Variants in DNAJC13 observed in about 807,000 individuals in gnomAD.
DNAJC13 encodes DnaJ heat shock protein family (Hsp40) member C13, also known as dnaJ homolog subfamily C member 13.
In DNAJC13, 75 loss-of-function variants were observed where a neutral mutation model predicts 290.5. The observed-to-expected ratio is 0.26, with a 90% CI of 0.21 to 0.31. The LOEUF (loss-of-function observed/expected upper bound fraction) is 0.31, where lower values mean the gene tolerates loss of function less well. Ranked by LOEUF, DNAJC13 falls within the 10% of genes least tolerant of loss-of-function variation. The probability of loss-of-function intolerance (pLI) is 1.00; values close to 1 mark genes in which losing one functional copy is unlikely to be tolerated. For synonymous variants in DNAJC13, 862 were observed against 892.0 expected (o/e 0.97, Z 0.60); for missense variants, 2,260 against 2,674.5 (o/e 0.85, Z 3.42).
chr3:132,450,857 AT>A lies in DNAJC13; in HGVS notation c.537+14del, dbSNP rs200307667. On this transcript the variant is annotated intron_variant, in intron 6 of 55. Transcript: ENST00000260818. ...AGGATTTAGTAGATTGGTAAGTACT[AT>A]TTTAAAAAAAAAAAACACTTTAAAA... 274 of 1,411,038 alleles carry A rather than the reference AT, an allele frequency of 1.9e-4. No individual in the cohort carries two copies. Among genetic ancestry groups the A allele is most frequent in the African/African-American group, 3.2e-4 (22 of 68,484 alleles). 87.4% of individuals were successfully genotyped at this position (1,411,038 alleles called of 1,614,324 possible). A position where few individuals can be genotyped will look rare whatever the true frequency, so the allele number is the denominator to read the frequency against.
chr3:132,468,681 G>GT (rs553227256), intron 20 of DNAJC13, among the ~76,000 whole-genome samples: 2 of 151,988 alleles, frequency 1.3e-5, no homozygotes, highest in East Asian at 1.9e-4. Flanking sequence ...ATCTTATAGG[G>GT]TTTTTTTGAT....
rs766973650 is a variant in DNAJC13, at chr3:132,516,829, T to G, written c.5673+13T>G. The G allele has an allele frequency of 2.6e-5, 41 of 1,585,008 alleles. No individual in the cohort carries two copies. The East Asian group carries it at 5.2e-4, about 20-fold the overall frequency. ...GATAGGTCCAAAGGTAGGCACAAAA[T>G]AAGTTCTTGAAAGGAAATTAATTAT... is the stretch of plus-strand genomic sequence containing the variant. On this transcript the variant is annotated intron_variant, in intron 48 of 55. Transcript: ENST00000260818.
Position 132,538,431 on chromosome 3 carries a change from G to T in DNAJC13, c.*149G>T. 1.6e-6 allele frequency: 1 copy of T among 606,538 alleles called. No individual in the cohort carries two copies. The highest frequency in any genetic ancestry group is 2.8e-6 in the Non-Finnish European group (1 of 361,002). 37.6% of individuals were successfully genotyped at this position (606,538 alleles called of 1,614,324 possible). A position where few individuals can be genotyped will look rare whatever the true frequency, so the allele number is the denominator to read the frequency against. ...TATAAATATATTTTTAGGAAAAAAAGTCAGTGATCCTAATTGTATCACATT... is the reference window on the plus strand; with the variant it reads ...TATAAATATATTTTTAGGAAAAAAATTCAGTGATCCTAATTGTATCACATT... On this transcript the variant is annotated 3_prime_UTR_variant, in exon 56 of 56. Transcript: ENST00000260818.
chr3:132,515,916 T>C (rs1361639372), intron 46 of DNAJC13, among the ~76,000 whole-genome samples: 1 of 152,224 alleles, frequency 6.6e-6, no homozygotes, highest in African/African-American at 2.4e-5. Context: ...TCCAGTAACC[T>C]ATACTTGCAT....
chr3:132,472,284 A>G (rs763994587), intron 20 of DNAJC13, among the ~76,000 whole-genome samples: 65 of 152,332 alleles, frequency 4.3e-4, no homozygotes, highest in Non-Finnish European at 4.4e-4. Flanking sequence ...TGGTCCATGT[A>G]CAGACTTTAA....
chr3:132,521,190 G>A (rs571939925), intron 48 of DNAJC13, among the ~76,000 whole-genome samples: 13 of 152,176 alleles, frequency 8.5e-5, no homozygotes, highest in Admixed American at 2.6e-4. Context: ...CTTAAGGCCA[G>A]GAGTTCAAGA....
At chr3:132,501,229 G>C (rs146629769) in intron 39 of DNAJC13, among the ~76,000 whole-genome samples, 2 of 152,256 alleles carry the variant, frequency 1.3e-5, no homozygotes, top group African/African-American at 4.8e-5. Context: ...AGCCCGGTGT[G>C]GTGGCTCACG....
At chr3:132,530,931 T>A in intron 54 of DNAJC13, 67 bp from the exon 55 acceptor site, 1 of 1,461,718 alleles carries the variant, frequency 6.8e-7, no homozygotes, top group Non-Finnish European at 9.5e-7. Context: ...GGAAGTTGGT[T>A]TTTCTTTTTG....
chr3:132,470,588 C>A (rs9799236), intron 20 of DNAJC13, among the ~76,000 whole-genome samples: 1 of 139,962 alleles, frequency 7.1e-6, no homozygotes, highest in Non-Finnish European at 1.6e-5. Context: ...CCTCACCTCC[C>A]GGACGGGGCG....
chr3:132,460,985 T>C (rs1933778328), intron 14 of DNAJC13, 65 bp from the exon 15 acceptor site: 4 of 1,441,348 alleles, frequency 2.8e-6, no homozygotes, highest in African/African-American at 1.4e-5. Flanking sequence ...AACACATTAT[T>C]GTTAAAATTT....
At chr3:132,461,294 T>C (rs1933787065) in intron 15 of DNAJC13, 89 bp downstream of exon 15, 1 of 1,426,134 alleles carries the variant, frequency 7.0e-7, no homozygotes, top group Non-Finnish European at 9.8e-7. Context: ...ATTTGCATAC[T>C]TCTATAGCAG....
chr3:132,505,810 A>G (rs1935565544), intron 42 of DNAJC13, among the ~76,000 whole-genome samples: 1 of 152,128 alleles, frequency 6.6e-6, no homozygotes, highest in Non-Finnish European at 1.5e-5. Flanking sequence ...AAAAGGCAGT[A>G]GGATGGGCAA....
intron 21 of DNAJC13, among the ~76,000 whole-genome samples, chr3:132,474,603 G>GTT (rs534235378): frequency 6.9e-6 from 1 of 144,502 alleles, no homozygotes; most frequent in Non-Finnish European, 1.5e-5. Flanking sequence ...AATATCAGGT[G>GTT]TTTTTTTTTT....
rs376872181 is a variant in DNAJC13 at position 132,526,462 on chromosome 3, G to A, written c.6381+181G>A. ...ACACATACAGTAGTGTGTATAATAC[G>A]TGTGTATATGTGTATGTATATATAC... On this transcript the variant is annotated intron_variant, in intron 53 of 55. Transcript: ENST00000260818. Among the ~76,000 whole-genome samples, 5 of 152,132 alleles carry A rather than the reference G, an allele frequency of 3.3e-5. No individual in the cohort carries two copies. In the East Asian group the frequency reaches 7.7e-4, roughly 23 times the overall value.
rs577981276 is a variant in DNAJC13 at position 132,514,349 on chromosome 3, C to G, written c.5386-222C>G. ...AAACACTATAGTATATACCTTAGTT[C>G]TGGAGCATGTATGGGTATAGGATTG... On this transcript the variant is annotated intron_variant, in intron 45 of 55. Coordinates refer to ENST00000260818, the MANE Select transcript of DNAJC13 (RefSeq NM_015268.4). 3.5e-4 allele frequency among the ~76,000 whole-genome samples: 53 copies of G among 152,216 alleles called. 1 individual carries two copies. In the South Asian group the frequency reaches 0.011, roughly 31 times the overall value.
At chr3:132,418,085 C>T (rs1406175613) in intron 1 of DNAJC13, among the ~76,000 whole-genome samples, 4 of 152,108 alleles carry the variant, frequency 2.6e-5, no homozygotes, top group Admixed American at 2.6e-4. Context: ...TTGTGGGTTC[C>T]GCCCTCGGGA....
At chr3:132,537,376 T>A (rs2107762183) in intron 55 of DNAJC13, 1 of 387,840 alleles carries the variant, frequency 2.6e-6, no homozygotes, top group African/African-American at 2.1e-5. Context: ...CTAAAACTAT[T>A]GCTCAGTATG....
At chr3:132,507,126 A>AT (rs952342745) in intron 42 of DNAJC13, 111 bp from the exon 43 acceptor site, 6 of 675,764 alleles carry the variant, frequency 8.9e-6, no homozygotes, top group African/African-American at 7.3e-5. Context: ...ATCACACCAC[A>AT]TTTTTTCTCT....
At chr3:132,473,347 A>C in intron 21 of DNAJC13, 120 bp downstream of exon 21, 2 of 676,186 alleles carry the variant, frequency 3.0e-6, no homozygotes, top group Non-Finnish European at 5.0e-6. Context: ...TATGCCATCA[A>C]GTTCAGGAAC....
Sources: gnomAD v4.1 joint callset for allele counts (sites outside exome capture counted in the v4.1 genomes callset) on GRCh38, gnomAD v4.1.1 for gene constraint, MANE v1.5 for transcripts, NCBI Gene and HGNC (gene_info 2026-07-23, HGNC 2026-07-21) for gene names.